The following DPP8 variants were observed in gnomAD, a reference collection of about 807,000 sequenced individuals.
The protein encoded by DPP8 is dipeptidyl peptidase 8, also known as DPP VIII.
Under a neutral mutation model 107.5 loss-of-function variants are expected in DPP8, and 31 were observed. The observed-to-expected ratio is 0.29, with a 90% confidence interval of 0.22 to 0.39. The LOEUF (loss-of-function observed/expected upper bound fraction) is 0.39, where lower values mean the gene tolerates loss of function less well. Among genes scored for constraint, DPP8 ranks in the 10% least tolerant of loss-of-function variants. DPP8 has a pLI of 1.00. For synonymous variants in DPP8, 381 were observed against 356.6 expected, an observed-to-expected ratio of 1.07 and a Z score of -0.77; for missense variants, 842 against 1,076.1, an observed-to-expected ratio of 0.78 and a Z score of 3.04.
At chr15:65,516,467 T>C (rs1174416804) in intron 1 of DPP8, 1 of 151,194 alleles carries the variant, frequency 6.6e-6, no homozygotes. Flanking sequence ...CTATTACATC[T>C]GTTACTCTAT....
At chr15:65,484,102 G>T (rs892247375) in intron 8 of DPP8, among the ~76,000 whole-genome samples, 11 of 152,152 alleles carry the variant, frequency 7.2e-5, no homozygotes, top group African/African-American at 1.9e-4. Context: ...GCCGAGGTGG[G>T]CAGATCATGA....
intron 8 of DPP8, among the ~76,000 whole-genome samples, chr15:65,483,592 A>ATAAC (rs1567219235): frequency 3.3e-5 from 2 of 60,816 alleles, no homozygotes; most frequent in African/African-American, 2.0e-4. Context: ...CAAACAATAA[A>ATAAC]ATAAAATAAA....
rs1362959704 is a variant in DPP8 at position 65,446,820 on chromosome 15, T to C, written c.*64A>G. On this transcript the variant is annotated 3_prime_UTR_variant, in exon 20 of 20. Transcript: ENST00000300141. The stretch of plus-strand genomic sequence containing the variant: ...TGATGATCAATTCTGTGTTTTCTGT[T>C]GATTAAACCTCCTCATTTGGTTAAA... The C allele has an allele frequency of 6.8e-7, 1 of 1,473,470 alleles. No homozygotes were observed. Among genetic ancestry groups the C allele is most frequent in the Non-Finnish European group, 9.1e-7 (1 of 1,097,590 alleles). The allele number at this position is 1,473,470 out of a possible 1,614,324, so 91.3% of individuals were successfully genotyped here.
rs1419552282 is a variant in DPP8, at chr15:65,445,288, T to A, written c.*1596A>T. ...TCTCTGTAGTGATGAGAAAGAAATA[T>A]AGCAAATTTTCTTGGAGTGTTGTTT... On this transcript the variant is annotated 3_prime_UTR_variant, in exon 20 of 20. Coordinates refer to ENST00000300141, the MANE Select transcript of DPP8 (RefSeq NM_130434.5). 1 of 152,194 alleles carries A rather than the reference T, an allele frequency of 6.6e-6. No homozygotes were observed. The highest frequency in any genetic ancestry group is 2.1e-4 in the South Asian group (1 of 4,830). The allele number at this position is 152,194 out of a possible 1,614,324, so 9.4% of individuals were successfully genotyped here.
In DPP8 at chr15:65,487,814, G is replaced by A; in HGVS notation, c.831C>T (p.Pro277=). Residue 277 remains proline, a synonymous_variant, in exon 7 of 20, where the codon CCC becomes CCT. Transcript: ENST00000300141. ...GAATTCTAAGAATTTTACCACCACT[G>A]GGAGCTTAAAAGAAATTTAAATATT... is the stretch of plus-strand genomic sequence containing the variant. ...YWWCPKAETT[P]SGGKILRILY... 2 of 1,542,242 alleles carry A rather than the reference G, an allele frequency of 1.3e-6. No individual in the cohort carries two copies.
chr15:65,488,431 AC>A (rs760731916), intron 6 of DPP8, among the ~76,000 whole-genome samples: 1 of 151,526 alleles, frequency 6.6e-6, no homozygotes, highest in Non-Finnish European at 1.5e-5. Context: ...ACACGGCAAT[AC>A]CCCATCTCTA....
intron 5 of DPP8, among the ~76,000 whole-genome samples, chr15:65,493,215 C>T (rs2068219779): frequency 1.3e-5 from 2 of 152,068 alleles, no homozygotes; most frequent in African/African-American, 4.8e-5. Flanking sequence ...TCCTGAGTAG[C>T]TGGGATTACA....
At chr15:65,504,637 C>G (rs2069714271) in intron 3 of DPP8, among the ~76,000 whole-genome samples, 1 of 145,188 alleles carries the variant, frequency 6.9e-6, no homozygotes, top group African/African-American at 2.6e-5. Flanking sequence ...CCACTGCACT[C>G]CAGCCTGGCG....
intron 3 of DPP8, among the ~76,000 whole-genome samples, chr15:65,505,264 A>G (rs991669266): frequency 6.6e-6 from 1 of 151,862 alleles, no homozygotes; most frequent in Non-Finnish European, 1.5e-5. Context: ...CTGAGGCAGG[A>G]GAATGGTGTG....
chr15:65,511,885 C>A, intron 2 of DPP8: 1 of 262,014 alleles, frequency 3.8e-6, no homozygotes, highest in South Asian at 4.1e-5. Context: ...CATAGGCAGA[C>A]ATTAAATCTG....
Position 65,446,733 on chromosome 15 carries a change from G to A in DPP8, c.*151C>T. 1 of 586,052 alleles carries A rather than the reference G, an allele frequency of 1.7e-6. No individual in the cohort carries two copies. The highest frequency in any genetic ancestry group is 2.6e-6 in the Non-Finnish European group (1 of 382,732). The allele number at this position is 586,052 out of a possible 1,614,324, so 36.3% of individuals were successfully genotyped here. ...TATTAGATTACTACCACAAACCGTA[G>A]ACCCCTGCATGGCACCACATTTATT... is the stretch of plus-strand genomic sequence containing the variant. On this transcript the variant is annotated 3_prime_UTR_variant, in exon 20 of 20. Coordinates refer to ENST00000300141, the MANE Select transcript of DPP8 (RefSeq NM_130434.5).
intron 3 of DPP8, among the ~76,000 whole-genome samples, chr15:65,504,037 C>A (rs2069600087): frequency 1.3e-5 from 2 of 151,434 alleles, no homozygotes; most frequent in South Asian, 4.3e-4. Flanking sequence ...GCTGTGATTA[C>A]AGGCATCAGC....
intron 5 of DPP8, among the ~76,000 whole-genome samples, chr15:65,495,167 T>C (rs2068455329): frequency 6.6e-6 from 1 of 152,180 alleles, no homozygotes; most frequent in Admixed American, 6.6e-5. Context: ...AACACCATGA[T>C]GTCTTTTGCA....
chr15:65,467,803 A>T (rs1219067209), intron 12 of DPP8, among the ~76,000 whole-genome samples: 1 of 152,234 alleles, frequency 6.6e-6, no homozygotes, highest in Non-Finnish European at 1.5e-5. Flanking sequence ...TTATTTCCTT[A>T]AAATAACAAC....
At chr15:65,454,515 G>A (rs1595861358) in intron 16 of DPP8, 100 bp from the exon 17 acceptor site, 2 of 1,075,040 alleles carry the variant, frequency 1.9e-6, no homozygotes, top group Admixed American at 2.9e-5. Flanking sequence ...ATACCTGTAG[G>A]TGTTTTAATT....
chr15:65,515,452 G>A (rs560131798), intron 1 of DPP8, among the ~76,000 whole-genome samples: 12 of 152,068 alleles, frequency 7.9e-5, no homozygotes, highest in African/African-American at 2.9e-4. Context: ...AAATATACCT[G>A]ATATTATATA....
At position 65,507,373 on chromosome 15, in the gene DPP8, C is replaced by A; in HGVS notation, c.260-18G>T. 6.8e-7 allele frequency: 1 copy of A among 1,478,694 alleles called. No individual in the cohort carries two copies. Among genetic ancestry groups the A allele is most frequent in the Non-Finnish European group, 9.4e-7 (1 of 1,065,502 alleles). 91.6% of individuals were successfully genotyped at this position (1,478,694 alleles called of 1,614,324 possible). The stretch of plus-strand genomic sequence containing the variant: ...AGACATGGCTATAGGAGAAAGCAAT[C>A]ATTTATTATTATTTTTTCGAATAGC... On this transcript the variant is annotated intron_variant, in intron 2 of 19. Transcript: ENST00000300141.
At chr15:65,476,873 G>C (rs352463) in intron 11 of DPP8, among the ~76,000 whole-genome samples, 9,152 of 152,126 alleles carry the variant, frequency 0.06, 281 homozygotes, top group African/African-American at 0.082. Context: ...AAAAAGGAAA[G>C]GAATCCTGAC....
At chr15:65,473,489 TGA>T (rs1414903217) in intron 12 of DPP8, among the ~76,000 whole-genome samples, 1 of 151,922 alleles carries the variant, frequency 6.6e-6, no homozygotes, top group Non-Finnish European at 1.5e-5. Flanking sequence ...ACAATATATA[TGA>T]GACCCTGTCT....
Sources: gnomAD v4.1 joint callset for allele counts (sites outside exome capture counted in the v4.1 genomes callset) on GRCh38, gnomAD v4.1.1 for gene constraint, MANE v1.5 for transcripts, NCBI Gene and HGNC (gene_info 2026-07-23, HGNC 2026-07-21) for gene names.